Variants in SLCO1B1 observed in about 807,000 individuals in gnomAD.
SLCO1B1 encodes the protein solute carrier organic anion transporter family member 1B1, also known as OATP-2.
In SLCO1B1, 81 loss-of-function variants were observed where a neutral mutation model predicts 70.1. That is an observed-to-expected ratio of 1.16 (90% CI 0.97 to 1.39). The LOEUF is 1.39. Among genes scored for constraint, SLCO1B1 ranks in the 40% most tolerant of loss-of-function variants. SLCO1B1 has a pLI of 0.00. For synonymous variants in SLCO1B1, 283 were observed against 271.5 expected (o/e 1.04, Z -0.42); for missense variants, 895 against 799.6 (o/e 1.12, Z -1.44).
At chr12:21,233,639 C>A (rs1941567083) in intron 14 of SLCO1B1, among the ~76,000 whole-genome samples, 2 of 151,618 alleles carry the variant, frequency 1.3e-5, no homozygotes, top group Non-Finnish European at 2.9e-5. Flanking sequence ...ATCATGATCC[C>A]CAAAGGAGCC....
chr12:21,222,687 T>C (rs1941442961), intron 13 of SLCO1B1, among the ~76,000 whole-genome samples: 1 of 151,914 alleles, frequency 6.6e-6, no homozygotes, highest in South Asian at 2.1e-4. Context: ...CAAAGATAGA[T>C]GGTCCTCCAA....
chr12:21,159,291 A>T (rs1362828642), intron 2 of SLCO1B1, among the ~76,000 whole-genome samples: 1 of 152,156 alleles, frequency 6.6e-6, no homozygotes, highest in Non-Finnish European at 1.5e-5. Flanking sequence ...AGCTGACCAA[A>T]TTAGAGTTTA....
chr12:21,197,205 C>A lies in SLCO1B1; in HGVS notation c.970+17C>A, dbSNP rs765865305. The A allele has an allele frequency of 6.8e-6, 11 of 1,611,368 alleles. No homozygotes were observed. The highest frequency in any genetic ancestry group is 1.1e-5 in the South Asian group (1 of 90,856). On this transcript the variant is annotated intron_variant, in intron 8 of 14. Coordinates refer to ENST00000256958, the MANE Select transcript of SLCO1B1 (RefSeq NM_006446.5). The stretch of plus-strand genomic sequence containing the variant: ...ATGTGACTGGTAAGTATTTAACATT[C>A]ATTGTCAATTTGGAGTTGTTAATCT...
At chr12:21,146,485 A>G (rs1300982358) in intron 2 of SLCO1B1, among the ~76,000 whole-genome samples, 1 of 152,078 alleles carries the variant, frequency 6.6e-6, no homozygotes, top group South Asian at 2.1e-4. Context: ...GTGCTTACTT[A>G]AAATTTAATT....
rs554845740 is a variant in SLCO1B1 at position 21,169,556 on chromosome 12, T to A, written c.85-3094T>A. 3.9e-5 allele frequency among the ~76,000 whole-genome samples: 6 copies of A among 152,282 alleles called. No homozygotes were observed. In the East Asian group the frequency reaches 1.2e-3, roughly 29 times the overall value. On this transcript the variant is annotated intron_variant, in intron 2 of 14. Coordinates refer to ENST00000256958, the MANE Select transcript of SLCO1B1 (RefSeq NM_006446.5). ...GTTACTTTATAATTCAACTCCAGAA[T>A]TTCTGTTTGGTTCTTCATAGTTTAT...
intron 2 of SLCO1B1, among the ~76,000 whole-genome samples, chr12:21,155,714 A>G (rs555470290): frequency 6.6e-6 from 1 of 152,196 alleles, no homozygotes; most frequent in Non-Finnish European, 1.5e-5. Context: ...GATGACCAGT[A>G]ACCAATAAAT....
intron 11 of SLCO1B1, among the ~76,000 whole-genome samples, chr12:21,206,562 T>G (rs1176165922): frequency 1.3e-5 from 2 of 151,912 alleles, no homozygotes; most frequent in Non-Finnish European, 2.9e-5. Flanking sequence ...GCCCTATTCT[T>G]GATTTTCTAT....
At chr12:21,166,551 G>A (rs371221826) in intron 2 of SLCO1B1, among the ~76,000 whole-genome samples, 8 of 152,190 alleles carry the variant, frequency 5.3e-5, no homozygotes, top group East Asian at 1.9e-4. Context: ...TCCACATCCC[G>A]TCATTAGGGA....
In SLCO1B1 at chr12:21,176,845, A is replaced by T; in HGVS notation, c.429A>T (p.Leu143Phe). Residue 143 changes from leucine to phenylalanine, a missense_variant, in exon 5 of 15, where the codon TTA becomes TTT. Coordinates refer to ENST00000256958, the MANE Select transcript of SLCO1B1 (RefSeq NM_006446.5). ...CAACATCGACCTTATCCACTTGTTT[A>T]ATTAATCAAATTTTATCACTCAATA... is the stretch of plus-strand genomic sequence containing the variant. ...ENSTSTLSTC[L>F]INQILSLNRA... 1 of 1,551,336 alleles carries T rather than the reference A, an allele frequency of 6.4e-7. No individual in the cohort carries two copies. The highest frequency in any genetic ancestry group is 1.1e-5 in the South Asian group (1 of 90,284).
rs975259770 is a variant in SLCO1B1 at position 21,145,979 on chromosome 12, A to AT, written c.84+4328dup. Among the ~76,000 whole-genome samples the AT allele has an allele frequency of 4.6e-5, 7 of 152,064 alleles. No individual in the cohort carries two copies. The East Asian group carries it at 1.4e-3, about 29-fold the overall frequency. On this transcript the variant is annotated intron_variant, in intron 2 of 14. Transcript: ENST00000256958. ...GGCCTCAATAAATGAGATAGGAAGT[A>AT]TTTTTTTCTGCTTCTAACCTCTGAA...
chr12:21,212,206 T>C (rs1941295545), intron 11 of SLCO1B1, among the ~76,000 whole-genome samples: 1 of 105,094 alleles, frequency 9.5e-6, no homozygotes, highest in Admixed American at 9.6e-5. Context: ...CATTTAGTGC[T>C]ATAAATTTCC....
chr12:21,227,662 A>AT (rs1178223502), intron 14 of SLCO1B1, among the ~76,000 whole-genome samples: 4 of 152,144 alleles, frequency 2.6e-5, no homozygotes, highest in Admixed American at 1.3e-4. Context: ...GAATGTGTTC[A>AT]TTTTTTATTG....
In SLCO1B1 at chr12:21,146,182, G is replaced by A. The variant is rs186066400; in HGVS notation, c.84+4524G>A. 5.9e-5 allele frequency among the ~76,000 whole-genome samples: 9 copies of A among 151,822 alleles called. No individual in the cohort carries two copies. The South Asian group carries it at 8.3e-4, about 14-fold the overall frequency. On this transcript the variant is annotated intron_variant, in intron 2 of 14. Transcript: ENST00000256958. ...ATTCTTGTACAAAATTGGGTAGATC[G>A]TGTCTTTCAATATATTGGTCTATTT...
chr12:21,225,949 T>G (rs1393427855), intron 14 of SLCO1B1, among the ~76,000 whole-genome samples: 1 of 152,126 alleles, frequency 6.6e-6, no homozygotes, highest in African/African-American at 2.4e-5. Context: ...TGCACTTGCA[T>G]ATGAAAAAAT....
rs4149085 is a variant in SLCO1B1, at chr12:21,239,356, T to C, written c.*167T>C. ...AACTTATAATAAAACAAACTGTAGG[T>C]AGAAAAAATGAGAGTACTCATTGTT... On this transcript the variant is annotated 3_prime_UTR_variant, in exon 15 of 15. Transcript: ENST00000256958. The C allele has an allele frequency of 0.03, 19,027 of 628,412 alleles. 2,013 individuals carry two copies. Among genetic ancestry groups the C allele is most frequent in the East Asian group, 0.3 (10,954 of 36,264 alleles). 38.9% of individuals were successfully genotyped at this position (628,412 alleles called of 1,614,324 possible).
intron 2 of SLCO1B1, among the ~76,000 whole-genome samples, chr12:21,168,336 C>T (rs7973095): frequency 0.5 from 75,498 of 151,860 alleles, 19,962 homozygotes; most frequent in East Asian, 0.74. Flanking sequence ...ACATCTTGGC[C>T]GTTGTTAATA....
At chr12:21,211,423 G>T (rs1030570113) in intron 11 of SLCO1B1, among the ~76,000 whole-genome samples, 1 of 152,280 alleles carries the variant, frequency 6.6e-6, no homozygotes, top group African/African-American at 2.4e-5. Context: ...ACTTGATCAT[G>T]GTGGATAAGC....
chr12:21,193,218 C>T (rs1364256645), intron 7 of SLCO1B1, among the ~76,000 whole-genome samples: 2 of 152,078 alleles, frequency 1.3e-5, no homozygotes, highest in East Asian at 1.9e-4. Flanking sequence ...TTCAATTGGT[C>T]TATAATGTTG....
chr12:21,172,499 G>A, intron 2 of SLCO1B1, 151 bp from the exon 3 acceptor site: 2 of 799,276 alleles, frequency 2.5e-6, no homozygotes, highest in East Asian at 2.6e-5. Flanking sequence ...CTGAGTAGTA[G>A]TACCTGGTAA....
Sources: allele counts gnomAD v4.1 joint callset (sites outside exome capture counted in the v4.1 genomes callset), GRCh38; gene constraint gnomAD v4.1.1; transcripts MANE v1.5; gene names NCBI Gene and HGNC (gene_info 2026-07-23, HGNC 2026-07-21).